The following GRAMD4 variants were observed in gnomAD, a reference collection of about 807,000 sequenced individuals.
The protein encoded by GRAMD4 is GRAM domain-containing protein 4.
GRAMD4 carries 25 observed loss-of-function variants against 83.9 expected under a neutral mutation model. The observed-to-expected ratio is 0.30, with a 90% CI of 0.22 to 0.42. GRAMD4 has a LOEUF of 0.42. GRAMD4 is among the 10% of genes least tolerant of loss of function. GRAMD4 has a pLI of 1.00. For missense variants in GRAMD4, 593 were observed against 788.7 expected, an observed-to-expected ratio of 0.75 and a Z score of 2.97; for synonymous variants, 336 against 320.9, an observed-to-expected ratio of 1.05 and a Z score of -0.50.
intron 16 of GRAMD4, among the ~76,000 whole-genome samples, 167 bp downstream of exon 16, chr22:46,674,917 T>G (rs1405616940): frequency 2.6e-5 from 4 of 152,208 alleles, no homozygotes; most frequent in Non-Finnish European, 5.9e-5. Context: ...GGAAAAGGTG[T>G]TGTCTCCAAG....
intron 1 of GRAMD4, among the ~76,000 whole-genome samples, chr22:46,604,177 G>A (rs1018123088): frequency 5.3e-5 from 8 of 152,116 alleles, no homozygotes; most frequent in Non-Finnish European, 1.2e-4. Flanking sequence ...GCCCCATTGC[G>A]TTTGCGTGGC....
chr22:46,662,824 C>T (rs936039684), intron 5 of GRAMD4, among the ~76,000 whole-genome samples: 7 of 152,168 alleles, frequency 4.6e-5, no homozygotes, highest in South Asian at 2.1e-4. Context: ...TGCTGTGTGC[C>T]GGTTGGTTTG....
intron 1 of GRAMD4, among the ~76,000 whole-genome samples, chr22:46,613,039 C>G (rs2081433039): frequency 6.6e-6 from 1 of 152,246 alleles, no homozygotes; most frequent in Admixed American, 6.5e-5. Context: ...AACTTTTTAC[C>G]CTGGCTCCCC....
chr22:46,661,239 G>A, intron 4 of GRAMD4, 142 bp from the exon 5 acceptor site: 1 of 631,674 alleles, frequency 1.6e-6, no homozygotes, highest in Non-Finnish European at 2.8e-6. Context: ...CAGCATTTCA[G>A]CAGTGGAGAC....
At chr22:46,580,512 T>C (rs1207435770) in intron 1 of GRAMD4, among the ~76,000 whole-genome samples, 4 of 152,338 alleles carry the variant, frequency 2.6e-5, no homozygotes, top group South Asian at 2.1e-4. Context: ...GGGACAGTTA[T>C]GTGAACAGAG....
chr22:46,582,852 C>G (rs899509622), intron 1 of GRAMD4, among the ~76,000 whole-genome samples: 19 of 152,218 alleles, frequency 1.2e-4, no homozygotes, highest in African/African-American at 4.6e-4. Context: ...GAAACCCAAA[C>G]AGGAACCTGG....
At chr22:46,611,996 C>CAAAAAAAA (rs61392000) in intron 1 of GRAMD4, among the ~76,000 whole-genome samples, 30 of 50,108 alleles carry the variant, frequency 6.0e-4, no homozygotes, top group East Asian at 7.7e-4. Flanking sequence ...GACTCCATCT[C>CAAAAAAAA]AAAAAAAAAA....
intron 3 of GRAMD4, among the ~76,000 whole-genome samples, chr22:46,647,019 G>C (rs1359738749): frequency 6.6e-6 from 1 of 152,300 alleles, no homozygotes. Flanking sequence ...CTGCCCCCGT[G>C]TTTTAATTAC....
At chr22:46,588,733 C>A (rs183314794) in intron 1 of GRAMD4, among the ~76,000 whole-genome samples, 1 of 152,060 alleles carries the variant, frequency 6.6e-6, no homozygotes, top group Non-Finnish European at 1.5e-5. Flanking sequence ...TCTCCATCCC[C>A]GGGGTCCTTA....
At chr22:46,584,049 G>A (rs949942246) in intron 1 of GRAMD4, among the ~76,000 whole-genome samples, 1 of 152,240 alleles carries the variant, frequency 6.6e-6, no homozygotes, top group African/African-American at 2.4e-5. Flanking sequence ...AGGTCAATGC[G>A]GAATGCCATT....
At chr22:46,580,932 A>G (rs2081091345) in intron 1 of GRAMD4, among the ~76,000 whole-genome samples, 1 of 145,048 alleles carries the variant, frequency 6.9e-6, no homozygotes, top group African/African-American at 2.5e-5. Flanking sequence ...GCGCCATTGC[A>G]CTCCAGCCTG....
In GRAMD4 at chr22:46,677,904, G is replaced by A. The variant is rs41279843; in HGVS notation, c.*653G>A. 302,176 of 985,402 alleles carry A rather than the reference G, an allele frequency of 0.31. 47,724 individuals carry two copies. Among genetic ancestry groups the A allele is most frequent in the Non-Finnish European group, 0.32 (268,633 of 829,956 alleles). The allele number at this position is 985,402 out of a possible 1,614,324, so 61.0% of individuals were successfully genotyped here. On this transcript the variant is annotated 3_prime_UTR_variant, in exon 19 of 19. Transcript: ENST00000406902. ...AGAGGGTGAGAAGGGCCCACCCCTC[G>A]CCTGCCCTCAGTGTCTTTGGTGGCA...
intron 5 of GRAMD4, among the ~76,000 whole-genome samples, chr22:46,662,519 G>A (rs1204466665): frequency 6.6e-6 from 1 of 152,244 alleles, no homozygotes. Context: ...ACAACACCGT[G>A]CGCTCACCCT....
intron 14 of GRAMD4, among the ~76,000 whole-genome samples, chr22:46,673,205 C>G (rs2147408129): frequency 6.6e-6 from 1 of 152,302 alleles, no homozygotes; most frequent in Middle Eastern, 3.4e-3. Context: ...CAGGGCAACA[C>G]CTGGGGACTG....
chr22:46,679,380 C>A lies in GRAMD4; in HGVS notation c.*2129C>A. ...CCCAGGGAGGGCCACATTCGGGGAG[C>A]GGGGGGTCGGGGGAGGGCCACCGAC... On this transcript the variant is annotated 3_prime_UTR_variant, in exon 19 of 19. Coordinates refer to ENST00000406902, the MANE Select transcript of GRAMD4 (RefSeq NM_015124.5). The A allele has an allele frequency of 1.0e-6, 1 of 985,116 alleles. No individual in the cohort carries two copies. The highest frequency in any genetic ancestry group is 1.2e-6 in the Non-Finnish European group (1 of 829,706). The allele number at this position is 985,116 out of a possible 1,614,324, so 61.0% of individuals were successfully genotyped here. A position where few individuals can be genotyped will look rare whatever the true frequency, so the allele number is the denominator to read the frequency against.
rs1474265622 is a variant in GRAMD4, at chr22:46,664,035, C to T, written c.635C>T (p.Ala212Val). ...TCTGCTCTGTCCCCAGAGCGCGGTG[C>T]CAAGCCGGTCACTAACTTTGTGAAG... Reference protein sequence around the residue: ...TENMRRLKRGAKPVTNFVKNL... With the variant: ...TENMRRLKRGVKPVTNFVKNL... Residue 212 changes from alanine (A) to valine (V), a missense_variant, in exon 8 of 19, where the codon GCC becomes GTC. By Grantham distance (64) the Ala-to-Val change is moderately conservative. Around this residue, in one of 4 missense-constraint regions of GRAMD4, gnomAD observed 312 missense variants for 350.7 expected, o/e 0.89. Coordinates refer to ENST00000406902, the MANE Select transcript of GRAMD4 (RefSeq NM_015124.5). The T allele has an allele frequency of 6.2e-7, 1 of 1,613,100 alleles. No individual in the cohort carries two copies. Among genetic ancestry groups the T allele is most frequent in the Admixed American group, 1.7e-5 (1 of 60,018 alleles).
At chr22:46,620,047 A>G (rs1475062385), upstream of GRAMD4, among the ~76,000 whole-genome samples, 1 of 151,578 alleles carries the variant, frequency 6.6e-6, no homozygotes, top group Non-Finnish European at 1.5e-5. This position sits in a 1 kb window ranked among gnomAD's most constrained non-coding sequence, Gnocchi z 4.7. Context: ...GAACTCGGAG[A>G]GGAACTTTAG....
intron 4 of GRAMD4, among the ~76,000 whole-genome samples, chr22:46,658,969 G>A (rs769357955): frequency 9.9e-5 from 15 of 152,104 alleles, no homozygotes; most frequent in Non-Finnish European, 1.9e-4. Flanking sequence ...GCGCCTCACA[G>A]TGCCGCCAGC....
intron 13 of GRAMD4, among the ~76,000 whole-genome samples, chr22:46,670,492 G>A (rs545819601): frequency 1.3e-5 from 2 of 152,342 alleles, no homozygotes; most frequent in East Asian, 3.9e-4. Flanking sequence ...GGGTCCAGGT[G>A]CCGAGGCTCC....
Sources: allele counts gnomAD v4.1 joint callset (sites outside exome capture counted in the v4.1 genomes callset), GRCh38; gene constraint gnomAD v4.1.1; regional missense constraint gnomAD v4.1.1; non-coding constraint Gnocchi (gnomAD v3.1); transcripts MANE v1.5; gene names NCBI Gene and HGNC (gene_info 2026-07-23, HGNC 2026-07-21).